COL17A1: variants seen among roughly 807,000 people sequenced by gnomAD.
The protein encoded by COL17A1 is collagen type XVII alpha 1 chain.
COL17A1 carries 181 observed loss-of-function variants against 218.4 expected under a neutral mutation model. That is an observed-to-expected ratio of 0.83 (90% CI 0.73 to 0.94). COL17A1 has a LOEUF of 0.94. Among genes scored for constraint, COL17A1 ranks in the 40% least tolerant of loss-of-function variants. The probability of loss-of-function intolerance (pLI) is 0.00; values close to 1 mark genes in which losing one functional copy is unlikely to be tolerated. For missense variants in COL17A1, 1,924 were observed against 1,945.9 expected (o/e 0.99, Z 0.21); for synonymous variants, 721 against 731.0 (o/e 0.99, Z 0.22).
chr10:104,033,017 C>G (rs1421091223), intron 53 of COL17A1, 49 bp from the exon 54 acceptor site: 4 of 1,595,566 alleles, frequency 2.5e-6, no homozygotes, highest in Non-Finnish European at 3.4e-6. Context: ...CACCTGGAAG[C>G]TTGGGACATC....
chr10:104,074,527 TCCACCG>T (rs2086693739), intron 5 of COL17A1, among the ~76,000 whole-genome samples: 1 of 152,210 alleles, frequency 6.6e-6, no homozygotes, highest in Non-Finnish European at 1.5e-5. Context: ...GTTCAGTTCC[TCCACCG>T]GCTTGTCCTG....
At position 104,043,827 on chromosome 10, in the gene COL17A1, G is replaced by C. The variant is rs145101288; in HGVS notation, c.2432C>G (p.Ser811Trp). Reference sequence around the variant, plus strand: ...GGGTCCCTCTAGGACCTGCCTACCCGAAGTCACGATCTTGCCTGGAGCTCC... The same window carrying C: ...GGGTCCCTCTAGGACCTGCCTACCCCAAGTCACGATCTTGCCTGGAGCTCC... The part of the protein sequence containing the change: ...EPGAPGKIVT[S>W]EGSSMLTVPG... Residue 811 changes from serine (S) to tryptophan (W), a missense_variant and splice_region_variant, in exon 34 of 56, where the codon TCG becomes TGG. Transcript: ENST00000648076. 1.9e-6 allele frequency: 3 copies of C among 1,614,012 alleles called. No homozygotes were observed. The African/African-American group carries it at 4.0e-5, about 22-fold the overall frequency.
chr10:104,060,017 G>T, intron 14 of COL17A1, 102 bp downstream of exon 14: 2 of 1,562,146 alleles, frequency 1.3e-6, no homozygotes, highest in Non-Finnish European at 1.7e-6. Context: ...GATGGCTATG[G>T]TTTCATGACT....
At chr10:104,075,735 G>A (rs1196931243) in intron 5 of COL17A1, among the ~76,000 whole-genome samples, 1 of 152,310 alleles carries the variant, frequency 6.6e-6, no homozygotes, top group Non-Finnish European at 1.5e-5. Flanking sequence ...CCTTTTGCAC[G>A]TAAGTACCAC....
chr10:104,045,820 G>T lies in COL17A1; in HGVS notation c.2363-27C>A, dbSNP rs1027141299. 3 of 1,601,998 alleles carry T rather than the reference G, an allele frequency of 1.9e-6. No individual in the cohort carries two copies. In the African/African-American group the frequency reaches 4.0e-5, roughly 21 times the overall value. ...TGATGTGATTAGAACAAGTAGTCAG[G>T]ACGATGAAGGCCCAGCAATTCCAGA... On this transcript the variant is annotated intron_variant, in intron 32 of 55. Transcript: ENST00000648076.
At chr10:104,046,663 G>T in intron 32 of COL17A1, 84 bp downstream of exon 32, 1 of 1,361,804 alleles carries the variant, frequency 7.3e-7, no homozygotes, top group Non-Finnish European at 1.1e-6. Flanking sequence ...AGGAAACTCT[G>T]GTGACTGCAG....
At chr10:104,068,301 T>C (rs1323099517) in intron 9 of COL17A1, among the ~76,000 whole-genome samples, 2 of 148,882 alleles carry the variant, frequency 1.3e-5, no homozygotes, top group African/African-American at 4.9e-5. Flanking sequence ...CTGGATATCA[T>C]AGAATGTCAA....
chr10:104,070,932 C>T (rs1231887107), intron 8 of COL17A1, among the ~76,000 whole-genome samples: 3 of 152,192 alleles, frequency 2.0e-5, no homozygotes, highest in Admixed American at 6.5e-5. Flanking sequence ...GATGCTTCAA[C>T]AGCAGTCTCA....
chr10:104,068,151 T>C (rs941622686), intron 9 of COL17A1, among the ~76,000 whole-genome samples: 1 of 152,154 alleles, frequency 6.6e-6, no homozygotes, highest in African/African-American at 2.4e-5. Context: ...AGTTGGGAGA[T>C]GGTAAACTAA....
intron 29 of COL17A1, chr10:104,048,318 G>C: frequency 1.4e-6 from 1 of 714,200 alleles, no homozygotes; most frequent in Non-Finnish European, 2.6e-6. Flanking sequence ...GTTGAGAATT[G>C]TTCAGTGCCT....
rs140959806 is a variant in COL17A1, at chr10:104,060,182, G to A, written c.1078C>T (p.Leu360=). ...CCGCTGTCCTTGGTCATGATGAGCA[G>A]CTCCATCTCCTTCTTGGCAGGTGTG... The part of the protein sequence containing the change: ...DNTPAKKEME[L]LIMTKDSGKV... Residue 360 remains leucine (L), a synonymous_variant, in exon 14 of 56, where the codon CTG becomes TTG. Coordinates refer to ENST00000648076, the MANE Select transcript of COL17A1 (RefSeq NM_000494.4). The A allele has an allele frequency of 3.5e-5, 57 of 1,614,044 alleles. 1 individual carries two copies. Among genetic ancestry groups the A allele is most frequent in the Admixed American group, 1.0e-4 (6 of 59,992 alleles).
chr10:104,069,620 G>A (rs1268746813), intron 9 of COL17A1, among the ~76,000 whole-genome samples: 1 of 152,092 alleles, frequency 6.6e-6, no homozygotes, highest in Non-Finnish European at 1.5e-5. Flanking sequence ...TATTTAGATA[G>A]GACTACTGAT....
At chr10:104,080,922 C>T (rs748825852) in intron 1 of COL17A1, among the ~76,000 whole-genome samples, 2 of 152,182 alleles carry the variant, frequency 1.3e-5, no homozygotes, top group Non-Finnish European at 2.9e-5. Context: ...TTTTCAGTGT[C>T]TAGTTGATCA....
At position 104,037,618 on chromosome 10, in the gene COL17A1, G is replaced by A. The variant is rs2086313255; in HGVS notation, c.3208+18C>T. On this transcript the variant is annotated intron_variant, in intron 46 of 55. Transcript: ENST00000648076. Reference sequence around the variant, plus strand: ...ACAGGAGGAAGGTGCCAGGTGCAGGGCGTGGGGAAGGGCTTACTCCGTAAG... The same window carrying A: ...ACAGGAGGAAGGTGCCAGGTGCAGGACGTGGGGAAGGGCTTACTCCGTAAG... 6.2e-7 allele frequency: 1 copy of A among 1,613,876 alleles called. No individual in the cohort carries two copies. The highest frequency in any genetic ancestry group is 1.3e-5 in the African/African-American group (1 of 74,922).
At chr10:104,061,222 C>T (rs1489384913) in intron 13 of COL17A1, among the ~76,000 whole-genome samples, 183 bp downstream of exon 13, 2 of 152,160 alleles carry the variant, frequency 1.3e-5, no homozygotes, top group Admixed American at 6.5e-5. Context: ...CACCTTTATT[C>T]ACTCATGGAA....
At chr10:104,047,507 AC>A (rs1350415335) in intron 31 of COL17A1, among the ~76,000 whole-genome samples, 2 of 152,134 alleles carry the variant, frequency 1.3e-5, no homozygotes, top group Non-Finnish European at 2.9e-5. Context: ...TGCACGCAAA[AC>A]AACCTAACAC....
intron 7 of COL17A1, among the ~76,000 whole-genome samples, chr10:104,072,691 C>T (rs555481918): frequency 6.6e-6 from 1 of 152,258 alleles, no homozygotes; most frequent in Non-Finnish European, 1.5e-5. Flanking sequence ...ACATGCTGCC[C>T]CCTACCCTGC....
chr10:104,037,395 T>G (rs1030369539), intron 46 of COL17A1, among the ~76,000 whole-genome samples: 2 of 151,958 alleles, frequency 1.3e-5, no homozygotes, highest in African/African-American at 4.8e-5. Flanking sequence ...AACCTATAAT[T>G]AGGAACACAT....
In COL17A1 at chr10:104,050,160, GT is replaced by G. The variant is rs537834421; in HGVS notation, c.2129-37del. 2.5e-4 allele frequency: 400 copies of G among 1,613,862 alleles called. 3 individuals carry two copies. The South Asian group carries it at 4.2e-3, about 17-fold the overall frequency. On this transcript the variant is annotated intron_variant, in intron 27 of 55. Transcript: ENST00000648076. The stretch of plus-strand genomic sequence containing the variant: ...CAAGGGGGAGGTGGAAAAAGCCACA[GT>G]TGTGAGCAAGGAAAACACTCTCACC...
Sources: gnomAD v4.1 joint callset for allele counts (sites outside exome capture counted in the v4.1 genomes callset) on GRCh38, gnomAD v4.1.1 for gene constraint, MANE v1.5 for transcripts, NCBI Gene and HGNC (gene_info 2026-07-23, HGNC 2026-07-21) for gene names.